The following BRIP1 variants were observed in gnomAD, a reference collection of about 807,000 sequenced individuals.
BRIP1 encodes the protein BRCA1 interacting DNA helicase 1.
In BRIP1, 88 loss-of-function variants were observed where a neutral mutation model predicts 119.7. That is an observed-to-expected ratio of 0.74 (90% CI 0.62 to 0.88). The LOEUF (loss-of-function observed/expected upper bound fraction) is 0.88, where lower values mean the gene tolerates loss of function less well. Ranked by LOEUF, BRIP1 falls within the 40% of genes least tolerant of loss-of-function variation. The pLI, the probability that BRIP1 is intolerant of heterozygous loss-of-function variation, is 0.00. For missense variants in BRIP1, 1,259 were observed against 1,455.4 expected (o/e 0.87, Z 2.20); for synonymous variants, 443 against 496.5 (o/e 0.89, Z 1.43).
chr17:61,771,522 A>G (rs1267181690), intron 14 of BRIP1, among the ~76,000 whole-genome samples: 3 of 152,186 alleles, frequency 2.0e-5, no homozygotes, highest in Non-Finnish European at 4.4e-5. Flanking sequence ...TACACTTTAT[A>G]CCCATTTGAA....
In BRIP1 at chr17:61,784,345, A is replaced by T. The variant is rs1555603541; in HGVS notation, c.1553T>A (p.Val518Asp). Reference protein sequence around the residue: ...YGKEEAREVPVISASTQIMLK... With the variant: ...YGKEEAREVPDISASTQIMLK... ...CATTATTTGAGTTGATGCACTAATA[A>T]CAGGTACTTCTCTTGCCTCCTCTTT... Residue 518 changes from valine (V) to aspartate (D), a missense_variant, in exon 11 of 20, where the codon GTT becomes GAT. Transcript: ENST00000259008. 4 of 1,613,166 alleles carry T rather than the reference A, an allele frequency of 2.5e-6. No individual in the cohort carries two copies. Among genetic ancestry groups the T allele is most frequent in the Non-Finnish European group, 3.4e-6 (4 of 1,179,232 alleles).
In BRIP1 at chr17:61,772,026, G is replaced by A. The variant is rs531226544; in HGVS notation, c.2097+4375C>T. On this transcript the variant is annotated intron_variant, in intron 14 of 19. Transcript: ENST00000259008. Reference sequence around the variant, plus strand: ...AAATTACATTTCTAGGTATATATCCGAATGAATTGAAAGCAAGGTCACAAA... The same window carrying A: ...AAATTACATTTCTAGGTATATATCCAAATGAATTGAAAGCAAGGTCACAAA... Among the ~76,000 whole-genome samples the A allele has an allele frequency of 3.3e-4, 50 of 151,588 alleles. 1 individual carries two copies. The highest frequency in any genetic ancestry group is 1.1e-3 in the African/African-American group (45 of 41,320).
Position 61,717,718 on chromosome 17 carries a change from C to G in BRIP1, c.2380-1655G>C, listed in dbSNP as rs972451960. Among the ~76,000 whole-genome samples the G allele has an allele frequency of 3.9e-5, 6 of 151,970 alleles. No individual in the cohort carries two copies. Among genetic ancestry groups the G allele is most frequent in the African/African-American group, 1.4e-4 (6 of 41,412 alleles). ...GGACCTGTGGGCTTATAGTTTCTAT[C>G]AAACTTGAAAAATTTTCAGCCATTA... On this transcript the variant is annotated intron_variant, in intron 16 of 19. Coordinates refer to ENST00000259008, the MANE Select transcript of BRIP1 (RefSeq NM_032043.3). This position sits in a 1 kb window ranked among gnomAD's most constrained non-coding sequence, Gnocchi z 4.1.
At chr17:61,811,562 A>G (rs2078162728) in intron 6 of BRIP1, among the ~76,000 whole-genome samples, 1 of 152,048 alleles carries the variant, frequency 6.6e-6, no homozygotes, top group South Asian at 2.1e-4. Context: ...CAAGTAAGGT[A>G]TAAGGTGGAA....
intron 16 of BRIP1, among the ~76,000 whole-genome samples, chr17:61,718,511 C>T (rs1030093368): frequency 1.3e-5 from 2 of 152,210 alleles, no homozygotes; most frequent in African/African-American, 4.8e-5. Flanking sequence ...ATATGCCAAT[C>T]AGTACTTGAC....
At chr17:61,765,735 T>C (rs1198954414) in intron 14 of BRIP1, among the ~76,000 whole-genome samples, 3 of 150,892 alleles carry the variant, frequency 2.0e-5, no homozygotes, top group African/African-American at 7.3e-5. Flanking sequence ...ATGCCCAGCC[T>C]AATCAATATA....
chr17:61,691,808 G>A lies in BRIP1; in HGVS notation c.2575+1622C>T, dbSNP rs2061450488. The stretch of plus-strand genomic sequence containing the variant: ...GACCACAAATAGGCAAAAGAACCTT[G>A]AGAAAAATGATAAAAGCTGCAGGCA... On this transcript the variant is annotated intron_variant, in intron 18 of 19. Transcript: ENST00000259008. The surrounding 1 kb of genome is among the most constrained non-coding windows in gnomAD (Gnocchi z 5.0). Among the ~76,000 whole-genome samples the A allele has an allele frequency of 6.6e-6, 1 of 152,056 alleles. No homozygotes were observed. Among genetic ancestry groups the A allele is most frequent in the Non-Finnish European group, 1.5e-5 (1 of 68,014 alleles).
chr17:61,712,062 T>A (rs756009315), intron 17 of BRIP1, among the ~76,000 whole-genome samples: 3 of 152,036 alleles, frequency 2.0e-5, no homozygotes, highest in Admixed American at 1.3e-4. Context: ...TGAACCCACA[T>A]GCCATCTGGT....
At chr17:61,781,872 G>C (rs1333129247) in intron 11 of BRIP1, among the ~76,000 whole-genome samples, 1 of 148,592 alleles carries the variant, frequency 6.7e-6, no homozygotes, top group East Asian at 2.0e-4. Context: ...AGTGAGCTGA[G>C]ATAGCGCCAC....
rs1323636872 is a variant in BRIP1, at chr17:61,746,269, G to A, written c.2098-1678C>T. Among the ~76,000 whole-genome samples, 1 of 152,012 alleles carries A rather than the reference G, an allele frequency of 6.6e-6. No individual in the cohort carries two copies. Among genetic ancestry groups the A allele is most frequent in the Non-Finnish European group, 1.5e-5 (1 of 67,986 alleles). ...TTATTATATTACTTTTTATTCTCCA[G>A]AAAGACATCAAGGGAGGAATAGAGG... On this transcript the variant is annotated intron_variant, in intron 14 of 19. Coordinates refer to ENST00000259008, the MANE Select transcript of BRIP1 (RefSeq NM_032043.3). This position sits in a 1 kb window ranked among gnomAD's most constrained non-coding sequence, Gnocchi z 4.9.
chr17:61,717,729 A>C lies in BRIP1; in HGVS notation c.2380-1666T>G, dbSNP rs537722839. On this transcript the variant is annotated intron_variant, in intron 16 of 19. Transcript: ENST00000259008. This position sits in a 1 kb window ranked among gnomAD's most constrained non-coding sequence, Gnocchi z 4.1. Reference sequence around the variant, plus strand: ...CTTATAGTTTCTATCAAACTTGAAAAATTTTCAGCCATTATTTCTCTAAAT... The same window carrying C: ...CTTATAGTTTCTATCAAACTTGAAACATTTTCAGCCATTATTTCTCTAAAT... Among the ~76,000 whole-genome samples, 152 of 152,042 alleles carry C rather than the reference A, an allele frequency of 1.0e-3. No homozygotes were observed. The highest frequency in any genetic ancestry group is 3.6e-3 in the African/African-American group (148 of 41,490).
chr17:61,784,557 G>A, intron 10 of BRIP1, 133 bp from the exon 11 acceptor site: 1 of 828,124 alleles, frequency 1.2e-6, no homozygotes, highest in Admixed American at 2.2e-5. Context: ...TAGTTTGATA[G>A]TCTGACTTCT....
At chr17:61,747,912 T>C (rs1244396181) in intron 14 of BRIP1, among the ~76,000 whole-genome samples, 2 of 151,708 alleles carry the variant, frequency 1.3e-5, no homozygotes, top group Non-Finnish European at 2.9e-5. Context: ...ATTTTTTTTT[T>C]TTTTTTGTAG....
chr17:61,767,891 G>C lies in BRIP1; in HGVS notation c.2097+8510C>G, dbSNP rs1054746628. Among the ~76,000 whole-genome samples the C allele has an allele frequency of 1.3e-5, 2 of 152,094 alleles. No individual in the cohort carries two copies. The highest frequency in any genetic ancestry group is 4.8e-5 in the African/African-American group (2 of 41,414). On this transcript the variant is annotated intron_variant, in intron 14 of 19. Coordinates refer to ENST00000259008, the MANE Select transcript of BRIP1 (RefSeq NM_032043.3). The surrounding 1 kb of genome is among the most constrained non-coding windows in gnomAD (Gnocchi z 5.7). ...ATATTCCTCACTCCCACATCTACCA[G>C]TAGAAATCTATCCACCTTTCTTTAA...
chr17:61,684,291 G>A lies in BRIP1; in HGVS notation c.2906-151C>T, dbSNP rs2061329665. ...CGAATACTAGTGGATTTTCATCTTG[G>A]AACAGAATATTAACTCTGAAAGAAA... On this transcript the variant is annotated intron_variant, in intron 19 of 19. Coordinates refer to ENST00000259008, the MANE Select transcript of BRIP1 (RefSeq NM_032043.3). This position sits in a 1 kb window ranked among gnomAD's most constrained non-coding sequence, Gnocchi z 4.5. 3.3e-6 allele frequency: 3 copies of A among 904,900 alleles called. No individual in the cohort carries two copies. The highest frequency in any genetic ancestry group is 4.9e-6 in the Non-Finnish European group (3 of 616,288). The allele number at this position is 904,900 out of a possible 1,614,324, so 56.1% of individuals were successfully genotyped here.
rs1412240074 is a variant in BRIP1, at chr17:61,705,113, C to G, written c.2492+10838G>C. Among the ~76,000 whole-genome samples the G allele has an allele frequency of 6.6e-6, 1 of 152,090 alleles. No homozygotes were observed. The highest frequency in any genetic ancestry group is 1.5e-5 in the Non-Finnish European group (1 of 67,998). On this transcript the variant is annotated intron_variant, in intron 17 of 19. Coordinates refer to ENST00000259008, the MANE Select transcript of BRIP1 (RefSeq NM_032043.3). The surrounding 1 kb of genome is among the most constrained non-coding windows in gnomAD (Gnocchi z 5.0). ...TTCTCTGCCTCCACTTACATTCATT[C>G]CCTAGTGTCTATGTTCCCATCTTTA...
Position 61,809,819 on chromosome 17 carries a change from G to GT in BRIP1, c.628-1063dup, listed in dbSNP as rs892776223. 2.2e-4 allele frequency among the ~76,000 whole-genome samples: 34 copies of GT among 151,388 alleles called. No individual in the cohort carries two copies. The highest frequency in any genetic ancestry group is 5.8e-4 in the East Asian group (3 of 5,170). On this transcript the variant is annotated intron_variant, in intron 6 of 19. Coordinates refer to ENST00000259008, the MANE Select transcript of BRIP1 (RefSeq NM_032043.3). This position sits in a 1 kb window ranked among gnomAD's most constrained non-coding sequence, Gnocchi z 5.2. ...AGTAGAACAAACACTCTACTTGACTGTTTTTTTTTATTATTGTAATCAGTA... is the reference window on the plus strand; with the variant it reads ...AGTAGAACAAACACTCTACTTGACTGTTTTTTTTTTATTATTGTAATCAGTA...
Position 61,765,597 on chromosome 17 carries a change from G to C in BRIP1, c.2097+10804C>G, listed in dbSNP as rs111710587. The stretch of plus-strand genomic sequence containing the variant: ...ATTACAGGCATGTGCCACCATGTCC[G>C]GTTAATTTTGAATTTTTAGTACAGA... On this transcript the variant is annotated intron_variant, in intron 14 of 19. Coordinates refer to ENST00000259008, the MANE Select transcript of BRIP1 (RefSeq NM_032043.3). Among the ~76,000 whole-genome samples, 5 of 148,632 alleles carry C rather than the reference G, an allele frequency of 3.4e-5. No homozygotes were observed. The South Asian group carries it at 1.1e-3, about 32-fold the overall frequency.
chr17:61,849,109 T>G lies in BRIP1; in HGVS notation c.507+20A>C, dbSNP rs369270945. ...AGCTGTAACTAACTGGGTTATTTAC[T>G]GCCAATAAACTCTGTTTACCTGCTG... is the stretch of plus-strand genomic sequence containing the variant. On this transcript the variant is annotated intron_variant, in intron 5 of 19. Transcript: ENST00000259008. 3.2e-5 allele frequency: 52 copies of G among 1,612,848 alleles called. No homozygotes were observed. The highest frequency in any genetic ancestry group is 4.2e-5 in the Non-Finnish European group (50 of 1,179,138).
Sources: allele counts gnomAD v4.1 joint callset (sites outside exome capture counted in the v4.1 genomes callset), GRCh38; gene constraint gnomAD v4.1.1; non-coding constraint Gnocchi (gnomAD v3.1); transcripts MANE v1.5; gene names NCBI Gene and HGNC (gene_info 2026-07-23, HGNC 2026-07-21).